SH2B3: variants seen among roughly 807,000 people sequenced by gnomAD.
SH2B3 encodes the protein SH2B adaptor protein 3.
SH2B3 carries 43 observed loss-of-function variants against 51.9 expected under a neutral mutation model. The ratio of observed to expected loss-of-function variants is 0.83; its 90% CI spans 0.65 to 1.07. The LOEUF (loss-of-function observed/expected upper bound fraction) is 1.07, where lower values mean the gene tolerates loss of function less well. Ranked by LOEUF, SH2B3 falls within the 50% of genes least tolerant of loss-of-function variation. SH2B3 has a pLI of 0.00. For synonymous variants in SH2B3, 396 were observed against 376.0 expected (o/e 1.05, Z -0.62); for missense variants, 952 against 834.3 (o/e 1.14, Z -1.74).
intron 2 of SH2B3, among the ~76,000 whole-genome samples, chr12:111,437,924 C>G (rs1873031266): frequency 6.6e-6 from 1 of 152,218 alleles, no homozygotes; most frequent in South Asian, 2.1e-4. Context: ...TGGGCCTCAG[C>G]TGGCAGCAAG....
intron 2 of SH2B3, among the ~76,000 whole-genome samples, chr12:111,422,502 C>A (rs1044268082): frequency 6.6e-6 from 1 of 150,750 alleles, no homozygotes; most frequent in Admixed American, 6.6e-5. Flanking sequence ...TGGACAATTT[C>A]TTTGCGTTTT....
intron 1 of SH2B3, among the ~76,000 whole-genome samples, chr12:111,408,280 T>A (rs1227661282): frequency 6.6e-6 from 1 of 152,130 alleles, no homozygotes; most frequent in Non-Finnish European, 1.5e-5. Context: ...ATGGGAACCA[T>A]GAATGAGTGA....
chr12:111,412,735 AT>A (rs1565965297), intron 1 of SH2B3, among the ~76,000 whole-genome samples: 2 of 151,918 alleles, frequency 1.3e-5, no homozygotes, highest in African/African-American at 4.8e-5. Flanking sequence ...TGCCAGGCTA[AT>A]TTTTTTGTAT....
At chr12:111,440,541 T>C (rs1197224559) in intron 2 of SH2B3, among the ~76,000 whole-genome samples, 1 of 152,204 alleles carries the variant, frequency 6.6e-6, no homozygotes, top group Non-Finnish European at 1.5e-5. Flanking sequence ...CAGCAGATGC[T>C]CACTAAAGGG....
chr12:111,405,017 C>A (rs1870148968), upstream of SH2B3, among the ~76,000 whole-genome samples: 1 of 152,168 alleles, frequency 6.6e-6, no homozygotes, highest in Admixed American at 6.5e-5. The surrounding 1 kb of genome is among the most constrained non-coding windows in gnomAD (Gnocchi z 5.4). Flanking sequence ...TTCCTCCCTC[C>A]CCGCCCTCCC....
chr12:111,444,876 C>T (rs916020824), intron 2 of SH2B3: 4 of 985,644 alleles, frequency 4.1e-6, no homozygotes, highest in African/African-American at 1.7e-5. Flanking sequence ...TGGCGGACCC[C>T]GGCTCTGATA....
rs981324842 is a variant in SH2B3 at position 111,435,124 on chromosome 12, G to A, written c.733-11629G>A. 3.0e-6 allele frequency: 3 copies of A among 993,578 alleles called. No homozygotes were observed. The highest frequency in any genetic ancestry group is 2.9e-6 in the Non-Finnish European group (2 of 682,156). The allele number at this position is 993,578 out of a possible 1,614,324, so 61.5% of individuals were successfully genotyped here. Reference sequence around the variant, plus strand: ...CTCTCCCCACCCGAGACGGGCGACAGAGGTTTTTTGTTGTTTCTTAACCAC... The same window carrying A: ...CTCTCCCCACCCGAGACGGGCGACAAAGGTTTTTTGTTGTTTCTTAACCAC... On this transcript the variant is annotated intron_variant, in intron 2 of 7. Transcript: ENST00000341259. The surrounding 1 kb of genome is among the most constrained non-coding windows in gnomAD (Gnocchi z 4.8).
intron 2 of SH2B3, among the ~76,000 whole-genome samples, chr12:111,445,117 G>A (rs966370334): frequency 3.9e-5 from 6 of 152,206 alleles, no homozygotes; most frequent in African/African-American, 9.7e-5. Flanking sequence ...GAGTGAAACC[G>A]GCAGCTCTGC....
rs1156857248 is a variant in SH2B3, at chr12:111,410,943, C to T, written c.-28+4666C>T. Among the ~76,000 whole-genome samples, 1 of 152,164 alleles carries T rather than the reference C, an allele frequency of 6.6e-6. No individual in the cohort carries two copies. Among genetic ancestry groups the T allele is most frequent in the East Asian group, 1.9e-4 (1 of 5,184 alleles). On this transcript the variant is annotated intron_variant, in intron 1 of 7. Coordinates refer to ENST00000341259, the MANE Select transcript of SH2B3 (RefSeq NM_005475.3). This position sits in a 1 kb window ranked among gnomAD's most constrained non-coding sequence, Gnocchi z 4.9. ...ATGTTCCTTGTGGCCTAGATTCAAC[C>T]AGGAGGCCTCCCTGGAGGAAGTGTC...
upstream of SH2B3, chr12:111,405,877 GC>G (rs1870198300): frequency 1.3e-5 from 2 of 151,940 alleles, no homozygotes; most frequent in South Asian, 4.1e-4. This position sits in a 1 kb window ranked among gnomAD's most constrained non-coding sequence, Gnocchi z 5.4. Context: ...CCCTGTCGCG[GC>G]CGGCCTCCCC....
Position 111,448,432 on chromosome 12 carries a change from A to T in SH2B3, c.*130A>T. On this transcript the variant is annotated 3_prime_UTR_variant, in exon 8 of 8. Transcript: ENST00000341259. Reference sequence around the variant, plus strand: ...AGGGACACTGTTAACTGCTCGTGCCAGTTTGGAAGTGACCCTTCTATTAGG... The same window carrying T: ...AGGGACACTGTTAACTGCTCGTGCCTGTTTGGAAGTGACCCTTCTATTAGG... 1 of 733,560 alleles carries T rather than the reference A, an allele frequency of 1.4e-6. No individual in the cohort carries two copies. The highest frequency in any genetic ancestry group is 2.2e-6 in the Non-Finnish European group (1 of 452,952). 45.4% of individuals were successfully genotyped at this position (733,560 alleles called of 1,614,324 possible). A position where few individuals can be genotyped will look rare whatever the true frequency, so the allele number is the denominator to read the frequency against.
At chr12:111,428,796 GT>G (rs1872210989) in intron 2 of SH2B3, among the ~76,000 whole-genome samples, 1 of 152,230 alleles carries the variant, frequency 6.6e-6, no homozygotes, top group African/African-American at 2.4e-5. Flanking sequence ...GGCCGTGCCC[GT>G]CCGTCCTTGC....
chr12:111,431,845 G>A lies in SH2B3; in HGVS notation c.732+12968G>A, dbSNP rs148307857. ...TGGTCTTAAACTCCTAGGCTCAACA[G>A]TCCTCCCGCCTAGGTCTCCCAAAGT... is the stretch of plus-strand genomic sequence containing the variant. On this transcript the variant is annotated intron_variant, in intron 2 of 7. Coordinates refer to ENST00000341259, the MANE Select transcript of SH2B3 (RefSeq NM_005475.3). Among the ~76,000 whole-genome samples the A allele has an allele frequency of 3.9e-3, 593 of 152,290 alleles. 5 individuals are homozygous for A. Among genetic ancestry groups the A allele is most frequent in the African/African-American group, 0.013 (536 of 41,552 alleles).
chr12:111,415,903 T>C (rs948494432), intron 1 of SH2B3, among the ~76,000 whole-genome samples: 1 of 152,110 alleles, frequency 6.6e-6, no homozygotes, highest in African/African-American at 2.4e-5. Flanking sequence ...ATTACAGGTA[T>C]GAGCAGCTGC....
chr12:111,415,620 T>C (rs986846556), intron 1 of SH2B3, among the ~76,000 whole-genome samples: 6 of 116,286 alleles, frequency 5.2e-5, no homozygotes, highest in African/African-American at 3.0e-4. Flanking sequence ...GTGTGTGTGA[T>C]TTTTTTTTTT....
Position 111,447,208 on chromosome 12 carries a change from C to T in SH2B3, c.1010C>T (p.Ser337Phe), listed in dbSNP as rs756499355. 5 of 1,613,082 alleles carry T rather than the reference C, an allele frequency of 3.1e-6. 1 individual carries two copies. In the South Asian group the frequency reaches 5.5e-5, roughly 18 times the overall value. The part of the protein sequence containing the change: ...TSSSPRGSTD[S>F]LNQGASPGGL... Reference sequence around the variant, plus strand: ...AGCTCCCCAAGGGGCAGCACAGATTCCCTTAACCAAGGTGGGTAAACCAAT... The same window carrying T: ...AGCTCCCCAAGGGGCAGCACAGATTTCCTTAACCAAGGTGGGTAAACCAAT... The change falls in exon 5 of 8, where the codon TCC becomes TTC. Residue 337 changes from serine to phenylalanine, a missense_variant. Coordinates refer to ENST00000341259, the MANE Select transcript of SH2B3 (RefSeq NM_005475.3).
In SH2B3 at chr12:111,447,150, C is replaced by CA; in HGVS notation, c.953dup (p.His318GlnfsTer9). ...GCTGGAGAGCACAGAAGCAGAGATG[C>CA]ATATTCCCTCAGCCCTAGAGCCTAG... On this transcript the variant is annotated frameshift_variant, in exon 5 of 8. Transcript: ENST00000341259. LOFTEE classifies it high-confidence loss of function. 6.2e-7 allele frequency: 1 copy of CA among 1,613,964 alleles called. No individual in the cohort carries two copies. The highest frequency in any genetic ancestry group is 8.5e-7 in the Non-Finnish European group (1 of 1,179,820).
chr12:111,430,766 T>C (rs1006361698), intron 2 of SH2B3, among the ~76,000 whole-genome samples: 1 of 152,184 alleles, frequency 6.6e-6, no homozygotes, highest in Non-Finnish European at 1.5e-5. Flanking sequence ...GTGGGTTGTT[T>C]TGAGCCAACT....
chr12:111,448,650 GAC>G lies in SH2B3; in HGVS notation c.*351_*352del. On this transcript the variant is annotated 3_prime_UTR_variant, in exon 8 of 8. Transcript: ENST00000341259. ...GTGGAAACTTGTTCTCTTTTTCACT[GAC>G]ACTGTCACAGCGGATGACAGACTTT... The G allele has an allele frequency of 4.0e-6, 1 of 249,818 alleles. No homozygotes were observed. Among genetic ancestry groups the G allele is most frequent in the Non-Finnish European group, 7.8e-6 (1 of 127,782 alleles). The allele number at this position is 249,818 out of a possible 1,614,324, so 15.5% of individuals were successfully genotyped here.
Sources: allele counts gnomAD v4.1 joint callset (sites outside exome capture counted in the v4.1 genomes callset), GRCh38; gene constraint gnomAD v4.1.1; non-coding constraint Gnocchi (gnomAD v3.1); transcripts MANE v1.5; gene names NCBI Gene and HGNC (gene_info 2026-07-23, HGNC 2026-07-21).